VWA7: variants seen among roughly 807,000 people sequenced by gnomAD.
The protein encoded by VWA7 is von Willebrand factor A domain containing 7.
A neutral mutation model predicts 83.1 loss-of-function variants in VWA7; 66 were observed. The observed-to-expected ratio is 0.79, with a 90% CI of 0.65 to 0.98. The LOEUF (loss-of-function observed/expected upper bound fraction) is 0.98, where lower values mean the gene tolerates loss of function less well. Ranked by LOEUF, VWA7 falls within the 50% of genes least tolerant of loss-of-function variation. VWA7 has a pLI of 0.00. For missense variants in VWA7, 1,080 were observed against 1,160.2 expected, an observed-to-expected ratio of 0.93 and a Z score of 1.00; for synonymous variants, 424 against 488.5, an observed-to-expected ratio of 0.87 and a Z score of 1.74.
rs1379677681 is a variant in VWA7 at position 31,776,547 on chromosome 6, AG to A, written c.232del (p.Leu78TrpfsTer27). On this transcript the variant is annotated frameshift_variant and splice_region_variant, in exon 2 of 17. Transcript: ENST00000375688. LOFTEE classifies it high-confidence loss of function. This position sits in a 1 kb window ranked among gnomAD's most constrained non-coding sequence, Gnocchi z 6.2. ...GTGACAGGACCCTGGGATGCTCACC[AG>A]GAAGTCCTCAAGACGAAGAGGGGGG... ...GRPPLRLEDFLGRTLLADDLF... is the reference protein window; with the variant it reads ...GRPPLRLEDFXGRTLLADDLF... 3.9e-6 allele frequency: 6 copies of A among 1,546,370 alleles called. No individual in the cohort carries two copies. In the African/African-American group the frequency reaches 8.2e-5, roughly 21 times the overall value.
chr6:31,776,907 G>A lies in VWA7; in HGVS notation c.-15-113C>T. ...TACCTCAAAAGTCGTGTCTGCTCCA[G>A]CCTGGCTTCCCCACCCTCTCGCTGT... On this transcript the variant is annotated intron_variant, in intron 1 of 16. Coordinates refer to ENST00000375688, the MANE Select transcript of VWA7 (RefSeq NM_025258.3). This position sits in a 1 kb window ranked among gnomAD's most constrained non-coding sequence, Gnocchi z 6.2. 2 of 581,288 alleles carry A rather than the reference G, an allele frequency of 3.4e-6. No individual in the cohort carries two copies. The highest frequency in any genetic ancestry group is 6.6e-5 in the East Asian group (2 of 30,306). 36.0% of individuals were successfully genotyped at this position (581,288 alleles called of 1,614,324 possible).
intron 7 of VWA7, among the ~76,000 whole-genome samples, chr6:31,772,733 G>C (rs139590714): frequency 1.0e-3 from 157 of 151,446 alleles, no homozygotes; most frequent in Admixed American, 7.5e-3. Flanking sequence ...CCGAGTAGCT[G>C]GGATTATAGG....
chr6:31,776,497 T>G lies in VWA7; in HGVS notation c.234+49A>C. On this transcript the variant is annotated intron_variant, in intron 2 of 16. Coordinates refer to ENST00000375688, the MANE Select transcript of VWA7 (RefSeq NM_025258.3). The surrounding 1 kb of genome is among the most constrained non-coding windows in gnomAD (Gnocchi z 6.2). ...GAGCCCTCAAGGAGTAGAGGCCCCA[T>G]GGAATTGGGGACTCTGGCAGGGGTG... 6.9e-7 allele frequency: 1 copy of G among 1,443,496 alleles called. No individual in the cohort carries two copies. Among genetic ancestry groups the G allele is most frequent in the Non-Finnish European group, 9.4e-7 (1 of 1,068,672 alleles). 89.4% of individuals were successfully genotyped at this position (1,443,496 alleles called of 1,614,324 possible).
rs1407394974 is a variant in VWA7 at position 31,775,172 on chromosome 6, G to A, written c.610+161C>T. Reference sequence around the variant, plus strand: ...CTTTTCCCTGTGTGACCTTGGGGAAGCTGCTTAACTGAGCCAGGCGTTGCT... The same window carrying A: ...CTTTTCCCTGTGTGACCTTGGGGAAACTGCTTAACTGAGCCAGGCGTTGCT... On this transcript the variant is annotated intron_variant, in intron 4 of 16. Coordinates refer to ENST00000375688, the MANE Select transcript of VWA7 (RefSeq NM_025258.3). This position sits in a 1 kb window ranked among gnomAD's most constrained non-coding sequence, Gnocchi z 5.9. Among the ~76,000 whole-genome samples, 1 of 152,182 alleles carries A rather than the reference G, an allele frequency of 6.6e-6. No homozygotes were observed. Among genetic ancestry groups the A allele is most frequent in the Non-Finnish European group, 1.5e-5 (1 of 68,026 alleles).
At chr6:31,772,874 C>T in intron 7 of VWA7, 80 bp downstream of exon 7, 1 of 1,505,402 alleles carries the variant, frequency 6.6e-7, no homozygotes, top group Non-Finnish European at 8.9e-7. Context: ...GCTGGGATTA[C>T]AGGCGTGAGC....
rs771784179 is a variant in VWA7, at chr6:31,776,860, G to A, written c.-15-66C>T. ...CGATTCCAGGGCAGGCCGGCTCTGC[G>A]GGTCTCCATGGGAACCTGCTTTACC... On this transcript the variant is annotated intron_variant, in intron 1 of 16. Coordinates refer to ENST00000375688, the MANE Select transcript of VWA7 (RefSeq NM_025258.3). The surrounding 1 kb of genome is among the most constrained non-coding windows in gnomAD (Gnocchi z 6.2). 64 of 910,220 alleles carry A rather than the reference G, an allele frequency of 7.0e-5. No individual in the cohort carries two copies. Among genetic ancestry groups the A allele is most frequent in the Non-Finnish European group, 9.5e-5 (61 of 642,956 alleles). The allele number at this position is 910,220 out of a possible 1,614,324, so 56.4% of individuals were successfully genotyped here.
rs758853728 is a variant in VWA7, at chr6:31,773,000, G to GCC, written c.1040_1041insGG (p.Ser347ArgfsTer87). On this transcript the variant is annotated frameshift_variant, in exon 7 of 17. Transcript: ENST00000375688. LOFTEE classifies it high-confidence loss of function. ...GGACATAGTGGACAGGCTCCATGGGGCTGCCTCTCCGCTGCTCCACAAGGT... is the reference window on the plus strand; with the variant it reads ...GGACATAGTGGACAGGCTCCATGGGGCCCTGCCTCTCCGCTGCTCCACAAGGT... 7.8e-6 allele frequency: 12 copies of GCC among 1,543,568 alleles called. No homozygotes were observed.
rs1274491951 is a variant in VWA7, at chr6:31,770,037, AC to A, written c.1163del (p.Gly388ValfsTer45). 4 of 1,612,530 alleles carry A rather than the reference AC, an allele frequency of 2.5e-6. No individual in the cohort carries two copies. The highest frequency in any genetic ancestry group is 2.7e-5 in the African/African-American group (2 of 74,730). On this transcript the variant is annotated frameshift_variant, in exon 8 of 17. Coordinates refer to ENST00000375688, the MANE Select transcript of VWA7 (RefSeq NM_025258.3). LOFTEE classifies it high-confidence loss of function. ...QQLNEIHALG[G>X]GDEPEMCLSA... ...ACAGGCACATCTCAGGCTCGTCTCCACCCCCCAAGGCATGGATCTCATTAAG... is the reference window on the plus strand; with the variant it reads ...ACAGGCACATCTCAGGCTCGTCTCCACCCCCAAGGCATGGATCTCATTAAG...
In VWA7 at chr6:31,775,391, C is replaced by T. The variant is rs1812585477; in HGVS notation, c.552G>A (p.Glu184=). ...YSHSNWVELG[E]QQPHPHLLWP... is the part of the protein sequence containing the mutation. ...AGAGGAGGTGAGGGTGTGGCTGCTG[C>T]TCGCCCAGCTCCACCCAGTTGCTAT... Residue 184 remains glutamate, a synonymous_variant, in exon 4 of 17, where the codon GAG becomes GAA. Transcript: ENST00000375688. The surrounding 1 kb of genome is among the most constrained non-coding windows in gnomAD (Gnocchi z 5.9). The T allele has an allele frequency of 6.2e-7, 1 of 1,612,516 alleles. No homozygotes were observed. Among genetic ancestry groups the T allele is most frequent in the Non-Finnish European group, 8.5e-7 (1 of 1,179,758 alleles).
chr6:31,776,568 G>C lies in VWA7; in HGVS notation c.212C>G (p.Pro71Arg), dbSNP rs1027331068. 6.5e-7 allele frequency: 1 copy of C among 1,548,046 alleles called. No homozygotes were observed. Among genetic ancestry groups the C allele is most frequent in the Non-Finnish European group, 8.7e-7 (1 of 1,145,800 alleles). Reference sequence around the variant, plus strand: ...CACCAGGAAGTCCTCAAGACGAAGAGGGGGGCGGCCTGGGGGTGGCTGCTC... The same window carrying C: ...CACCAGGAAGTCCTCAAGACGAAGACGGGGGCGGCCTGGGGGTGGCTGCTC... ...FLEQPPPGRP[P>R]LRLEDFLGRT... Residue 71 changes from proline (P) to arginine (R), a missense_variant, in exon 2 of 17, where the codon CCT becomes CGT. Coordinates refer to ENST00000375688, the MANE Select transcript of VWA7 (RefSeq NM_025258.3). This position sits in a 1 kb window ranked among gnomAD's most constrained non-coding sequence, Gnocchi z 6.2.
In VWA7 at chr6:31,777,180, T is replaced by A. The variant is rs1812769665; in HGVS notation, c.-87A>T. 3 of 367,572 alleles carry A rather than the reference T, an allele frequency of 8.2e-6. No individual in the cohort carries two copies. Among genetic ancestry groups the A allele is most frequent in the Non-Finnish European group, 1.5e-5 (3 of 202,380 alleles). 22.8% of individuals were successfully genotyped at this position (367,572 alleles called of 1,614,324 possible). A position where few individuals can be genotyped will look rare whatever the true frequency, so the allele number is the denominator to read the frequency against. Reference sequence around the variant, plus strand: ...CAGGGCACTTAGGTCAGAGTTATAATTAACCGAGGCTCAGCAGAGGGGGAG... The same window carrying A: ...CAGGGCACTTAGGTCAGAGTTATAAATAACCGAGGCTCAGCAGAGGGGGAG... On this transcript the variant is annotated 5_prime_UTR_variant, in exon 1 of 17. Coordinates refer to ENST00000375688, the MANE Select transcript of VWA7 (RefSeq NM_025258.3). This position sits in a 1 kb window ranked among gnomAD's most constrained non-coding sequence, Gnocchi z 5.8.
In VWA7 at chr6:31,769,612, T is replaced by C. The variant is rs952121086; in HGVS notation, c.1317+63A>G. 1 of 1,450,066 alleles carries C rather than the reference T, an allele frequency of 6.9e-7. No homozygotes were observed. Among genetic ancestry groups the C allele is most frequent in the African/African-American group, 1.4e-5 (1 of 71,768 alleles). The allele number at this position is 1,450,066 out of a possible 1,614,324, so 89.8% of individuals were successfully genotyped here. A position where few individuals can be genotyped will look rare whatever the true frequency, so the allele number is the denominator to read the frequency against. ...TGGTGCAACCCTCGTTATGAGATTG[T>C]CATCACAGGGTCTCTCACATCCCTG... On this transcript the variant is annotated intron_variant, in intron 9 of 16. Transcript: ENST00000375688. The surrounding 1 kb of genome is among the most constrained non-coding windows in gnomAD (Gnocchi z 4.5).
Position 31,775,782 on chromosome 6 carries a change from AC to A in VWA7, c.513+181del, listed in dbSNP as rs1490119054. 6.6e-6 allele frequency among the ~76,000 whole-genome samples: 1 copy of A among 152,088 alleles called. No individual in the cohort carries two copies. Among genetic ancestry groups the A allele is most frequent in the East Asian group, 1.9e-4 (1 of 5,184 alleles). On this transcript the variant is annotated intron_variant, in intron 3 of 16. Coordinates refer to ENST00000375688, the MANE Select transcript of VWA7 (RefSeq NM_025258.3). This position sits in a 1 kb window ranked among gnomAD's most constrained non-coding sequence, Gnocchi z 5.9. Reference sequence around the variant, plus strand: ...CCACAGCGCCCTCCTTGCTGTTCCTACAGGAAGCACTGCCAGCTTGGAGGTG... The same window carrying A: ...CCACAGCGCCCTCCTTGCTGTTCCTAAGGAAGCACTGCCAGCTTGGAGGTG...
intron 12 of VWA7, 31 bp downstream of exon 12, chr6:31,767,331 T>C: frequency 6.2e-7 from 1 of 1,612,890 alleles, no homozygotes; most frequent in Non-Finnish European, 8.5e-7. Flanking sequence ...CAGTCTCTGC[T>C]TCCCCTTCCC....
In VWA7 at chr6:31,769,676, C is replaced by T. The variant is rs1448576851; in HGVS notation, c.1316G>A (p.Arg439Gln). Residue 439 changes from arginine to glutamine, a missense_variant and splice_region_variant, in exon 9 of 17, where the codon CGG becomes CAG. Coordinates refer to ENST00000375688, the MANE Select transcript of VWA7 (RefSeq NM_025258.3). This position sits in a 1 kb window ranked among gnomAD's most constrained non-coding sequence, Gnocchi z 4.5. ...GGGTCTCCCACTAGCTCTGCTCACCCGGCAGCGCCGCTCCTGAGTCAGGGA... is the reference window on the plus strand; with the variant it reads ...GGGTCTCCCACTAGCTCTGCTCACCTGGCAGCGCCGCTCCTGAGTCAGGGA... ...VESLTQERRCRVTFLVTEDTS... is the reference protein window; with the variant it reads ...VESLTQERRCQVTFLVTEDTS... The T allele has an allele frequency of 7.4e-6, 12 of 1,612,214 alleles. No individual in the cohort carries two copies. The highest frequency in any genetic ancestry group is 2.7e-5 in the African/African-American group (2 of 74,902).
At position 31,776,051 on chromosome 6, in the gene VWA7, C is replaced by T. The variant is rs768628113; in HGVS notation, c.426G>A (p.Gly142=). ...CTGCCACCACGGTCTCCCGCAGAGC[C>T]CCTACCAGGCGCGCGCGTCCCTGAC... ...RLGQGRARLV[G]ALRETVVAAR... is the part of the protein sequence containing the mutation. Residue 142 remains glycine (G), a synonymous_variant, in exon 3 of 17, where the codon GGG becomes GGA. Transcript: ENST00000375688. This position sits in a 1 kb window ranked among gnomAD's most constrained non-coding sequence, Gnocchi z 6.2. The T allele has an allele frequency of 1.2e-6, 2 of 1,613,628 alleles. No homozygotes were observed. The highest frequency in any genetic ancestry group is 1.3e-5 in the African/African-American group (1 of 74,932).
chr6:31,770,411 C>T (rs1211620107), intron 7 of VWA7, among the ~76,000 whole-genome samples: 1 of 150,870 alleles, frequency 6.6e-6, no homozygotes, highest in Non-Finnish European at 1.5e-5. Flanking sequence ...CATGGTGATG[C>T]ATGCCCGTAG....
rs115376776 is a variant in VWA7 at position 31,770,215 on chromosome 6, C to T, written c.1088-102G>A. On this transcript the variant is annotated intron_variant, in intron 7 of 16. Coordinates refer to ENST00000375688, the MANE Select transcript of VWA7 (RefSeq NM_025258.3). ...GAGGGGCCTGGTGTGCTTCTGGAGCCGACAGGTATTGAAATAACAATACTC... is the reference window on the plus strand; with the variant it reads ...GAGGGGCCTGGTGTGCTTCTGGAGCTGACAGGTATTGAAATAACAATACTC... The T allele has an allele frequency of 5.2e-5, 45 of 872,734 alleles. No homozygotes were observed. In the African/African-American group the frequency reaches 6.6e-4, roughly 13 times the overall value. The allele number at this position is 872,734 out of a possible 1,614,324, so 54.1% of individuals were successfully genotyped here.
chr6:31,772,242 C>T (rs1050002234), intron 7 of VWA7, among the ~76,000 whole-genome samples: 1 of 151,998 alleles, frequency 6.6e-6, no homozygotes, highest in South Asian at 2.1e-4. Context: ...GTCTCCTGGG[C>T]TCAAGTGATC....
Sources: gnomAD v4.1 joint callset for allele counts (sites outside exome capture counted in the v4.1 genomes callset) on GRCh38, gnomAD v4.1.1 for gene constraint, Gnocchi (gnomAD v3.1) non-coding constraint, MANE v1.5 for transcripts, NCBI Gene and HGNC (gene_info 2026-07-23, HGNC 2026-07-21) for gene names.